Variants in THSD7A observed in about 807,000 individuals in gnomAD.
The protein encoded by THSD7A is thrombospondin type-1 domain-containing protein 7A.
THSD7A carries 96 observed loss-of-function variants against 231.3 expected under a neutral mutation model. The observed-to-expected ratio is 0.41, with a 90% CI of 0.35 to 0.49. The LOEUF (loss-of-function observed/expected upper bound fraction) is 0.49. THSD7A is among the 20% of genes least tolerant of loss of function. THSD7A has a pLI of 0.05. For missense variants in THSD7A, 2,290 were observed against 2,070.2 expected, an observed-to-expected ratio of 1.11 and a Z score of -2.06; for synonymous variants, 940 against 743.3, an observed-to-expected ratio of 1.26 and a Z score of -4.30.
intron 19 of THSD7A, among the ~76,000 whole-genome samples, chr7:11,409,055 A>G (rs1018155504): frequency 1.3e-5 from 2 of 152,216 alleles, no homozygotes; most frequent in Non-Finnish European, 2.9e-5. Context: ...CCTTACATTG[A>G]TCATATCTCT....
At chr7:11,602,591 T>C (rs559805938) in intron 2 of THSD7A, among the ~76,000 whole-genome samples, 1 of 152,096 alleles carries the variant, frequency 6.6e-6, no homozygotes, top group Admixed American at 6.6e-5. Context: ...TGTTCGCTTA[T>C]TGGTGGATGG....
chr7:11,593,213 T>C, intron 3 of THSD7A, 41 bp downstream of exon 3: 3 of 1,600,412 alleles, frequency 1.9e-6, no homozygotes, highest in Non-Finnish European at 2.6e-6. Flanking sequence ...GCTGAGCAAA[T>C]GTAGTTTCGG....
chr7:11,573,591 A>G (rs1239390315), intron 4 of THSD7A, among the ~76,000 whole-genome samples: 2 of 152,212 alleles, frequency 1.3e-5, no homozygotes, highest in Non-Finnish European at 2.9e-5. Flanking sequence ...TAAATTTTAT[A>G]GTTGTTCTTA....
At chr7:11,611,446 A>G (rs2128349015) in intron 2 of THSD7A, among the ~76,000 whole-genome samples, 1 of 151,990 alleles carries the variant, frequency 6.6e-6, no homozygotes, top group South Asian at 2.1e-4. Context: ...ATTGTGTACT[A>G]AGGCAAGAGA....
intron 4 of THSD7A, among the ~76,000 whole-genome samples, chr7:11,586,271 T>C (rs1049200226): frequency 3.3e-5 from 5 of 152,216 alleles, no homozygotes; most frequent in African/African-American, 1.2e-4. Context: ...TCCTGTGATT[T>C]ACATCTACAT....
chr7:11,513,924 C>A (rs533756144), intron 6 of THSD7A, among the ~76,000 whole-genome samples: 5 of 151,872 alleles, frequency 3.3e-5, no homozygotes, highest in Admixed American at 6.5e-5. Context: ...TACACACAAG[C>A]ACACACGCAT....
chr7:11,382,557 C>T lies in THSD7A; in HGVS notation c.4471G>A (p.Val1491Met), dbSNP rs1782559898. 1 of 1,612,802 alleles carries T rather than the reference C, an allele frequency of 6.2e-7. No homozygotes were observed. The highest frequency in any genetic ancestry group is 1.1e-5 in the South Asian group (1 of 91,016). The change falls in exon 24 of 28, where the codon GTG becomes ATG. Residue 1491 changes from valine to methionine, a missense_variant. Val to Met is a conservative substitution (Grantham distance 21, BLOSUM62 1). Transcript: ENST00000423059. Reference sequence around the variant, plus strand: ...ATACCATCTGACCTTTGACACCACACTGTTCGGGAAGAGCCCTTCCAAGCA... The same window carrying T: ...ATACCATCTGACCTTTGACACCACATTGTTCGGGAAGAGCCCTTCCAAGCA... The part of the protein sequence containing the change: ...ASAWKGSSRT[V>M]WCQRSDGINV...
At chr7:11,588,037 G>A (rs1202573294) in intron 4 of THSD7A, among the ~76,000 whole-genome samples, 2 of 152,166 alleles carry the variant, frequency 1.3e-5, no homozygotes, top group Non-Finnish European at 2.9e-5. Context: ...AGTACAGGTT[G>A]TTCATGGTTA....
chr7:11,376,982 C>G (rs750002935), intron 26 of THSD7A: 17 of 181,462 alleles, frequency 9.4e-5, no homozygotes, highest in Non-Finnish European at 1.6e-4. Flanking sequence ...TATAAACATT[C>G]TCTTCTGATT....
intron 1 of THSD7A, among the ~76,000 whole-genome samples, chr7:11,796,876 G>C (rs1334186394): frequency 6.6e-6 from 1 of 151,970 alleles, no homozygotes; most frequent in Non-Finnish European, 1.5e-5. Flanking sequence ...CATTATATCT[G>C]TAATAAGGTT....
In THSD7A at chr7:11,406,262, A is replaced by C; in HGVS notation, c.4237+38T>G. On this transcript the variant is annotated intron_variant, in intron 22 of 27. Coordinates refer to ENST00000423059, the MANE Select transcript of THSD7A (RefSeq NM_015204.3). The surrounding 1 kb of genome is among the most constrained non-coding windows in gnomAD (Gnocchi z 4.7). ...CCTTCACGGCCCTTGTCCTAGGAAA[A>C]AATAATCAGAATATGAATTCTCCTT... 1.3e-6 allele frequency: 2 copies of C among 1,561,956 alleles called. No individual in the cohort carries two copies. Among genetic ancestry groups the C allele is most frequent in the African/African-American group, 1.4e-5 (1 of 73,230 alleles).
chr7:11,660,343 G>A (rs1782883324), intron 1 of THSD7A, among the ~76,000 whole-genome samples: 2 of 151,430 alleles, frequency 1.3e-5, no homozygotes, highest in African/African-American at 4.8e-5. Flanking sequence ...GCAAAGACTT[G>A]CAGAAAATTC....
intron 1 of THSD7A, among the ~76,000 whole-genome samples, chr7:11,683,347 C>G (rs1281670402): frequency 6.6e-6 from 1 of 151,514 alleles, no homozygotes; most frequent in African/African-American, 2.4e-5. Context: ...AAACTAAACC[C>G]AAAGCTAGCA....
At chr7:11,766,174 G>T (rs1276090422) in intron 1 of THSD7A, among the ~76,000 whole-genome samples, 1 of 152,044 alleles carries the variant, frequency 6.6e-6, no homozygotes, top group Non-Finnish European at 1.5e-5. Context: ...CAAGATGAAT[G>T]GTGTATATCT....
At chr7:11,484,750 T>C (rs1162193548) in intron 6 of THSD7A, among the ~76,000 whole-genome samples, 1 of 152,080 alleles carries the variant, frequency 6.6e-6, no homozygotes, top group Non-Finnish European at 1.5e-5. Flanking sequence ...ACAGTATTTC[T>C]TGTCATGCAT....
chr7:11,701,713 T>G (rs1169142356), intron 1 of THSD7A, among the ~76,000 whole-genome samples: 3 of 151,164 alleles, frequency 2.0e-5, no homozygotes, highest in African/African-American at 7.3e-5. Context: ...GCCCAGGAGA[T>G]GTAGATGTTG....
At chr7:11,667,105 T>A (rs1207945107) in intron 1 of THSD7A, among the ~76,000 whole-genome samples, 1 of 152,082 alleles carries the variant, frequency 6.6e-6, no homozygotes, top group Non-Finnish European at 1.5e-5. Context: ...TTTGATTACA[T>A]GGATAAGTTC....
chr7:11,476,247 T>C (rs58824355), intron 7 of THSD7A, among the ~76,000 whole-genome samples: 13,904 of 151,706 alleles, frequency 0.092, 699 homozygotes, highest in Middle Eastern at 0.13. Context: ...TTATACAATA[T>C]TTATACGTTA....
At chr7:11,525,342 GTTC>G (rs1465574944) in intron 6 of THSD7A, among the ~76,000 whole-genome samples, 1 of 152,060 alleles carries the variant, frequency 6.6e-6, no homozygotes, top group African/African-American at 2.4e-5. Flanking sequence ...ATACCATAAT[GTTC>G]TTCATGTCAA....
Sources: allele counts gnomAD v4.1 joint callset (sites outside exome capture counted in the v4.1 genomes callset), GRCh38; gene constraint gnomAD v4.1.1; non-coding constraint Gnocchi (gnomAD v3.1); transcripts MANE v1.5; gene names NCBI Gene and HGNC (gene_info 2026-07-23, HGNC 2026-07-21).